Variants in ACER1 observed in about 807,000 individuals in gnomAD.
ACER1 encodes CTB-180A7.3.
In ACER1, 28 loss-of-function variants were observed where a neutral mutation model predicts 24.9. The ratio of observed to expected loss-of-function variants is 1.13; its 90% CI spans 0.83 to 1.54. ACER1 has a LOEUF of 1.54. Among genes scored for constraint, ACER1 ranks in the 40% most tolerant of loss-of-function variants. The pLI, the probability that ACER1 is intolerant of heterozygous loss-of-function variation, is 0.00. For missense variants in ACER1, 352 were observed against 349.3 expected (o/e 1.01, Z -0.06); for synonymous variants, 132 against 131.4 (o/e 1.00, Z -0.03).
At chr19:6,315,195 A>T (rs979330008) in intron 1 of ACER1, among the ~76,000 whole-genome samples, 10 of 104,090 alleles carry the variant, frequency 9.6e-5, no homozygotes, top group Admixed American at 1.8e-4. Context: ...ATTTATTTAT[A>T]TTTATTTATT....
chr19:6,348,235 C>T, the ACER1 span, among the ~76,000 whole-genome samples: 3 of 150,616 alleles, frequency 2.0e-5, no homozygotes, highest in Admixed American at 6.6e-5. Context: ...GAGGCCGAGG[C>T]GGGTGGATCA....
intron 4 of ACER1, 42 bp downstream of exon 4, chr19:6,309,655 G>T (rs2091567868): frequency 6.2e-7 from 1 of 1,611,534 alleles, no homozygotes; most frequent in South Asian, 1.1e-5. Context: ...GCTAGGAGGG[G>T]GATGGGAGCC....
At chr19:6,330,122 C>T (rs1424700559) in intron 1 of ACER1, among the ~76,000 whole-genome samples, 13 of 151,548 alleles carry the variant, frequency 8.6e-5, no homozygotes, top group African/African-American at 2.9e-4. Context: ...CTGCCCGCCT[C>T]GGCCTCCCAA....
rs537191969 is a variant in ACER1, at chr19:6,310,333, C to T, written c.351-499G>A. Reference sequence around the variant, plus strand: ...CAATCTCCTGACCTCGTGATCCGCCCGCCTCGGCCTCCCAAAGTGCTAGGA... The same window carrying T: ...CAATCTCCTGACCTCGTGATCCGCCTGCCTCGGCCTCCCAAAGTGCTAGGA... On this transcript the variant is annotated intron_variant, in intron 3 of 5. Transcript: ENST00000301452. 1.2e-4 allele frequency among the ~76,000 whole-genome samples: 18 copies of T among 152,032 alleles called. No homozygotes were observed. The East Asian group carries it at 2.1e-3, about 18-fold the overall frequency.
chr19:6,324,240 C>T (rs562898955), intron 1 of ACER1, among the ~76,000 whole-genome samples: 3 of 151,654 alleles, frequency 2.0e-5, no homozygotes, highest in African/African-American at 7.2e-5. Context: ...GATGGGGTTT[C>T]ACCATGTTGG....
chr19:6,317,136 G>C (rs1019931785), intron 1 of ACER1, among the ~76,000 whole-genome samples: 1 of 151,618 alleles, frequency 6.6e-6, no homozygotes, highest in African/African-American at 2.4e-5. Context: ...ACCATACCCG[G>C]CTAACTTTTG....
the ACER1 span, among the ~76,000 whole-genome samples, chr19:6,350,378 G>C: frequency 6.6e-6 from 1 of 151,898 alleles, no homozygotes; most frequent in African/African-American, 2.4e-5. Flanking sequence ...TTGTGCACAT[G>C]TACCCTAAAA....
chr19:6,314,935 A>G (rs2091596073), intron 1 of ACER1, among the ~76,000 whole-genome samples: 1 of 151,942 alleles, frequency 6.6e-6, no homozygotes, highest in Non-Finnish European at 1.5e-5. Flanking sequence ...TCTGTCGCCC[A>G]GGCTGGAGTG....
chr19:6,358,933 C>CCA, the ACER1 span, among the ~76,000 whole-genome samples: 2 of 75,400 alleles, frequency 2.7e-5, no homozygotes. Flanking sequence ...AACTCTGTCT[C>CCA]AAAAAAAAAA....
upstream of ACER1, among the ~76,000 whole-genome samples, chr19:6,335,117 A>T (rs1166275164): frequency 6.8e-6 from 1 of 146,710 alleles, no homozygotes; most frequent in Non-Finnish European, 1.5e-5. Flanking sequence ...ATTTTAGTAT[A>T]TTATTTTAAT....
the ACER1 span, among the ~76,000 whole-genome samples, chr19:6,355,869 G>C: frequency 6.7e-6 from 1 of 149,252 alleles, no homozygotes; most frequent in East Asian, 2.0e-4. Context: ...CCCCCGCCCG[G>C]CCAGCCGCCT....
chr19:6,349,989 A>G, the ACER1 span, among the ~76,000 whole-genome samples: 1 of 152,156 alleles, frequency 6.6e-6, no homozygotes, highest in East Asian at 1.9e-4. Context: ...AAAGTAGCCC[A>G]GTGCGGTGGT....
intron 1 of ACER1, among the ~76,000 whole-genome samples, chr19:6,333,222 G>C (rs1181560450): frequency 1.3e-5 from 2 of 152,176 alleles, no homozygotes; most frequent in African/African-American, 4.8e-5. Context: ...GCTTAGGGAA[G>C]GCAGAGACCG....
intron 1 of ACER1, among the ~76,000 whole-genome samples, chr19:6,313,550 G>C (rs1600236303): frequency 6.6e-6 from 1 of 152,324 alleles, no homozygotes; most frequent in East Asian, 1.9e-4. Flanking sequence ...TGGCCAATGA[G>C]ATAAGAATGT....
chr19:6,323,223 A>T (rs1305241277), intron 1 of ACER1, among the ~76,000 whole-genome samples: 1 of 152,136 alleles, frequency 6.6e-6, no homozygotes, highest in Non-Finnish European at 1.5e-5. Context: ...GATAGAGACC[A>T]TCATGGCTAA....
At chr19:6,322,968 C>T (rs2145010008) in intron 1 of ACER1, among the ~76,000 whole-genome samples, 1 of 151,838 alleles carries the variant, frequency 6.6e-6, no homozygotes, top group Admixed American at 6.6e-5. Flanking sequence ...AAAAATTAGC[C>T]AGGTGTGGTG....
the ACER1 span, among the ~76,000 whole-genome samples, chr19:6,347,471 T>C: frequency 1.3e-5 from 2 of 151,416 alleles, no homozygotes; most frequent in African/African-American, 4.9e-5. Flanking sequence ...CTGCCCACCA[T>C]GGCCTCCCAA....
Position 6,306,711 on chromosome 19 carries a change from G to T in ACER1, c.*3C>A, listed in dbSNP as rs762686197. 1.3e-5 allele frequency: 21 copies of T among 1,602,908 alleles called. No individual in the cohort carries two copies. Among genetic ancestry groups the T allele is most frequent in the Non-Finnish European group, 1.7e-5 (20 of 1,173,350 alleles). ...GGTTGGATAGTCAAGAGGCTGGCAG[G>T]TCTCAGCAGTCCTTGTCATCACCCC... On this transcript the variant is annotated 3_prime_UTR_variant, in exon 6 of 6. Coordinates refer to ENST00000301452, the MANE Select transcript of ACER1 (RefSeq NM_133492.3).
chr19:6,323,793 G>C (rs1282079209), intron 1 of ACER1, among the ~76,000 whole-genome samples: 3 of 152,144 alleles, frequency 2.0e-5, no homozygotes, highest in African/African-American at 7.2e-5. Context: ...GCAGAAGAGG[G>C]AGGCATGAGT....
Sources: allele counts gnomAD v4.1 joint callset (sites outside exome capture counted in the v4.1 genomes callset), GRCh38; gene constraint gnomAD v4.1.1; transcripts MANE v1.5; gene names NCBI Gene and HGNC (gene_info 2026-07-23, HGNC 2026-07-21).